Variants in KCNE2 observed in about 807,000 individuals in gnomAD.
The protein encoded by KCNE2 is potassium voltage-gated channel subfamily E member 2.
Under a neutral mutation model 4.5 loss-of-function variants are expected in KCNE2, and 4 were observed. That is an observed-to-expected ratio of 0.89 (90% CI 0.44 to 2.03). The LOEUF is 2.03. Among genes scored for constraint, KCNE2 ranks in the 30% most tolerant of loss-of-function variants. KCNE2 has a pLI of 0.03. For missense variants in KCNE2, 137 were observed against 151.4 expected (o/e 0.90, Z 0.50); for synonymous variants, 57 against 55.9 (o/e 1.02, Z -0.09).
At chr21:34,368,468 C>T (rs866879076) in intron 1 of KCNE2, among the ~76,000 whole-genome samples, 84 of 151,512 alleles carry the variant, frequency 5.5e-4, no homozygotes, top group African/African-American at 2.0e-3. Context: ...GGCGTAGTGG[C>T]GGTTGCCTGT....
intron 1 of KCNE2, among the ~76,000 whole-genome samples, chr21:34,369,552 G>GAA (rs113835651): frequency 6.8e-6 from 1 of 147,992 alleles, no homozygotes; most frequent in Non-Finnish European, 1.5e-5. Flanking sequence ...TCCGTCTTAA[G>GAA]AAAAAAAAAA....
At chr21:34,366,668 A>C (rs915257297) in intron 1 of KCNE2, among the ~76,000 whole-genome samples, 1 of 152,062 alleles carries the variant, frequency 6.6e-6, no homozygotes, top group Non-Finnish European at 1.5e-5. Context: ...ATAAGCACAC[A>C]ATACATGGGT....
intron 1 of KCNE2, among the ~76,000 whole-genome samples, chr21:34,364,686 C>T (rs915773181): frequency 4.6e-5 from 7 of 151,462 alleles, no homozygotes; most frequent in African/African-American, 1.2e-4. Flanking sequence ...GGCAGGAGAA[C>T]GGCATGAACC....
At chr21:34,364,528 G>C (rs902882509) in intron 1 of KCNE2, among the ~76,000 whole-genome samples, 5 of 152,162 alleles carry the variant, frequency 3.3e-5, no homozygotes, top group African/African-American at 9.7e-5. Flanking sequence ...CCAGCACTTT[G>C]AGAGGCTGAG....
chr21:34,364,712 G>T (rs1568810517), intron 1 of KCNE2, among the ~76,000 whole-genome samples: 1 of 151,652 alleles, frequency 6.6e-6, no homozygotes, highest in Non-Finnish European at 1.5e-5. Context: ...GGTGGAGCTT[G>T]CAGTGAGCCG....
chr21:34,367,333 G>A (rs1436677499), intron 1 of KCNE2, among the ~76,000 whole-genome samples: 1 of 152,038 alleles, frequency 6.6e-6, no homozygotes, highest in Non-Finnish European at 1.5e-5. Context: ...GAAAATAAAA[G>A]GGTAAAAGAG....
At chr21:34,369,580 T>C (rs1380203610) in intron 1 of KCNE2, among the ~76,000 whole-genome samples, 6 of 152,072 alleles carry the variant, frequency 3.9e-5, no homozygotes, top group South Asian at 4.1e-4. Flanking sequence ...TTGATGGCTA[T>C]TCAAGGCAGA....
chr21:34,370,407 A>T lies in KCNE2; in HGVS notation c.-12-60A>T, dbSNP rs41315513. On this transcript the variant is annotated intron_variant, in intron 1 of 1. Transcript: ENST00000290310. ...ATCTCCCTCCCACCTTTACATAGCCAAATCCAGAAAAGATCCGTTTTCCTA... is the reference window on the plus strand; with the variant it reads ...ATCTCCCTCCCACCTTTACATAGCCTAATCCAGAAAAGATCCGTTTTCCTA... The T allele has an allele frequency of 1.4e-3, 2,220 of 1,609,988 alleles. 52 individuals are homozygous for T. The East Asian group carries it at 0.046, about 33-fold the overall frequency.
At position 34,370,544 on chromosome 21, in the gene KCNE2, T is replaced by C. The variant is rs775857492; in HGVS notation, c.66T>C (p.Tyr22=). 1.9e-6 allele frequency: 3 copies of C among 1,614,222 alleles called. No individual in the cohort carries two copies. Among genetic ancestry groups the C allele is most frequent in the East Asian group, 2.2e-5 (1 of 44,894 alleles). ...TCTTCCGAAGGATTTTTATTACTTA[T>C]ATGGACAATTGGCGCCAGAACACAA... ...EDVFRRIFIT[Y]MDNWRQNTTA... Residue 22 remains tyrosine (Y), a synonymous_variant, in exon 2 of 2, where the codon TAT becomes TAC. Coordinates refer to ENST00000290310, the MANE Select transcript of KCNE2 (RefSeq NM_172201.2).
chr21:34,370,524 C>G lies in KCNE2; in HGVS notation c.46C>G (p.Arg16Gly). ...CACACAGACGCTGGAAGACGTCTTCCGAAGGATTTTTATTACTTATATGGA... is the reference window on the plus strand; with the variant it reads ...CACACAGACGCTGGAAGACGTCTTCGGAAGGATTTTTATTACTTATATGGA... ...NFTQTLEDVFRRIFITYMDNW... is the reference protein window; with the variant it reads ...NFTQTLEDVFGRIFITYMDNW... Residue 16 changes from arginine to glycine, a missense_variant, in exon 2 of 2, where the codon CGA becomes GGA. Physicochemically the swap from Arg to Gly is moderately radical, Grantham distance 125 (BLOSUM62 -2). Transcript: ENST00000290310. 1.9e-6 allele frequency: 3 copies of G among 1,614,102 alleles called. No individual in the cohort carries two copies. The highest frequency in any genetic ancestry group is 2.5e-6 in the Non-Finnish European group (3 of 1,180,012).
At chr21:34,367,749 G>A (rs1979372046) in intron 1 of KCNE2, among the ~76,000 whole-genome samples, 1 of 152,136 alleles carries the variant, frequency 6.6e-6, no homozygotes, top group Non-Finnish European at 1.5e-5. Flanking sequence ...TTTTCATGAA[G>A]GAAAGAAAAG....
At chr21:34,365,883 G>C (rs1021334660) in intron 1 of KCNE2, among the ~76,000 whole-genome samples, 45 of 152,242 alleles carry the variant, frequency 3.0e-4, no homozygotes, top group African/African-American at 1.1e-3. Flanking sequence ...TCATGGAGCA[G>C]GCATGGGCCA....
chr21:34,370,340 A>G lies in KCNE2; in HGVS notation c.-12-127A>G. On this transcript the variant is annotated intron_variant, in intron 1 of 1. Transcript: ENST00000290310. ...AGACTAACAAAATATGCATTAAATC[A>G]CCAGCCAGGTTAAGAAGAAATACTA... The G allele has an allele frequency of 1.6e-5, 18 of 1,117,208 alleles. 1 individual carries two copies. In the South Asian group the frequency reaches 2.5e-4, roughly 15 times the overall value. 69.2% of individuals were successfully genotyped at this position (1,117,208 alleles called of 1,614,324 possible). A position where few individuals can be genotyped will look rare whatever the true frequency, so the allele number is the denominator to read the frequency against.
Position 34,371,253 on chromosome 21 carries a change from C to A in KCNE2, c.*403C>A. 1 of 274,972 alleles carries A rather than the reference C, an allele frequency of 3.6e-6. No individual in the cohort carries two copies. Among genetic ancestry groups the A allele is most frequent in the Non-Finnish European group, 7.1e-6 (1 of 139,926 alleles). The allele number at this position is 274,972 out of a possible 1,614,324, so 17.0% of individuals were successfully genotyped here. A position where few individuals can be genotyped will look rare whatever the true frequency, so the allele number is the denominator to read the frequency against. ...GTGACAAATTCAATTTATAAATAAC[C>A]CAGATGTATTATGTAGAAGCTGAGG... is the stretch of plus-strand genomic sequence containing the variant. On this transcript the variant is annotated 3_prime_UTR_variant, in exon 2 of 2. Coordinates refer to ENST00000290310, the MANE Select transcript of KCNE2 (RefSeq NM_172201.2).
intron 1 of KCNE2, among the ~76,000 whole-genome samples, chr21:34,369,607 C>T (rs1274824954): frequency 6.6e-6 from 1 of 152,034 alleles, no homozygotes; most frequent in African/African-American, 2.4e-5. Context: ...CACATATAAC[C>T]CCAAAGAGAT....
intron 1 of KCNE2, among the ~76,000 whole-genome samples, chr21:34,366,782 A>T (rs1268863869): frequency 6.6e-6 from 1 of 151,842 alleles, no homozygotes; most frequent in Non-Finnish European, 1.5e-5. Context: ...GATCGAGACC[A>T]TCCTGGCTAA....
Position 34,366,842 on chromosome 21 carries a change from C to G in KCNE2, c.-13+2691C>G, listed in dbSNP as rs987825853. Among the ~76,000 whole-genome samples, 3 of 151,024 alleles carry G rather than the reference C, an allele frequency of 2.0e-5. No individual in the cohort carries two copies. In the South Asian group the frequency reaches 6.3e-4, roughly 32 times the overall value. ...AAAATACAAAAAATTAGCCGGGCTT[C>G]GTGGCGGGTGCCTGTAGACCCAGCT... On this transcript the variant is annotated intron_variant, in intron 1 of 1. Coordinates refer to ENST00000290310, the MANE Select transcript of KCNE2 (RefSeq NM_172201.2).
Position 34,370,805 on chromosome 21 carries a change from C to T in KCNE2, c.327C>T (p.Thr109=). The T allele has an allele frequency of 1.2e-6, 2 of 1,614,218 alleles. No individual in the cohort carries two copies. The highest frequency in any genetic ancestry group is 1.7e-6 in the Non-Finnish European group (2 of 1,180,034). The part of the protein sequence containing the change: ...QILNLEESKA[T]IHENIGAAGF... ...TGAATCTAGAAGAATCGAAGGCCAC[C>T]ATCCATGAGAACATTGGTGCGGCTG... is the stretch of plus-strand genomic sequence containing the variant. Residue 109 remains threonine (T), a synonymous_variant, in exon 2 of 2, where the codon ACC becomes ACT. Coordinates refer to ENST00000290310, the MANE Select transcript of KCNE2 (RefSeq NM_172201.2).
intron 1 of KCNE2, among the ~76,000 whole-genome samples, chr21:34,368,232 A>ATCTATATC (rs1979408690): frequency 8.2e-5 from 3 of 36,482 alleles, no homozygotes; most frequent in African/African-American, 2.2e-4. Context: ...CACACACAAT[A>ATCTATATC]TATATATATA....
Sources: allele counts gnomAD v4.1 joint callset (sites outside exome capture counted in the v4.1 genomes callset), GRCh38; gene constraint gnomAD v4.1.1; transcripts MANE v1.5; gene names NCBI Gene and HGNC (gene_info 2026-07-23, HGNC 2026-07-21).